Variants in WDR70 observed in about 807,000 individuals in gnomAD.
WDR70 encodes WD repeat domain 70.
A neutral mutation model predicts 88.6 loss-of-function variants in WDR70; 53 were observed. The observed-to-expected ratio is 0.60, with a 90% CI of 0.48 to 0.75. WDR70 has a LOEUF of 0.75. WDR70 is among the 30% of genes least tolerant of loss of function. The pLI, the probability that WDR70 is intolerant of heterozygous loss-of-function variation, is 0.00. For missense variants in WDR70, 610 were observed against 823.2 expected (o/e 0.74, Z 3.17); for synonymous variants, 280 against 270.0 (o/e 1.04, Z -0.36).
intron 9 of WDR70, among the ~76,000 whole-genome samples, chr5:37,524,620 C>A (rs556191039): frequency 6.6e-6 from 1 of 152,268 alleles, no homozygotes; most frequent in Admixed American, 6.5e-5. Flanking sequence ...GGATCAAATT[C>A]ACACATAGCA....
chr5:37,432,696 T>TAAAATCTCAGAC, intron 5 of WDR70, among the ~76,000 whole-genome samples: 1 of 151,222 alleles, frequency 6.6e-6, no homozygotes, highest in East Asian at 1.9e-4. Flanking sequence ...GCGCCCGGCC[T>TAAAATCTCAGAC]TTGAGCCACC....
intron 10 of WDR70, among the ~76,000 whole-genome samples, chr5:37,624,350 T>C (rs903531481): frequency 1.3e-5 from 2 of 152,206 alleles, no homozygotes; most frequent in Admixed American, 1.3e-4. Flanking sequence ...CTTCAATCCA[T>C]GTTACTGTGA....
At chr5:37,551,076 G>C (rs56145766) in intron 9 of WDR70, among the ~76,000 whole-genome samples, 62,729 of 151,890 alleles carry the variant, frequency 0.41, 15,113 homozygotes, top group Non-Finnish European at 0.54. Flanking sequence ...AGGCGAGGCA[G>C]GTGGATCACC....
intron 17 of WDR70, among the ~76,000 whole-genome samples, chr5:37,746,266 T>C (rs1288818161): frequency 1.3e-5 from 2 of 152,092 alleles, no homozygotes; most frequent in African/African-American, 2.4e-5. Context: ...TTCTGAGATA[T>C]AGCTAAAGCA....
chr5:37,449,614 A>ATAAAT (rs375497634), intron 7 of WDR70, among the ~76,000 whole-genome samples: 2 of 120,704 alleles, frequency 1.7e-5, no homozygotes, highest in African/African-American at 5.9e-5. Context: ...TAAAAAATAA[A>ATAAAT]AAATAAATAA....
At chr5:37,455,712 T>G (rs539752841) in intron 7 of WDR70, among the ~76,000 whole-genome samples, 1 of 144,082 alleles carries the variant, frequency 6.9e-6, no homozygotes, top group South Asian at 2.5e-4. Context: ...TCTACTCTTT[T>G]AATGAACTTT....
intron 5 of WDR70, among the ~76,000 whole-genome samples, chr5:37,414,300 C>G (rs867153590): frequency 2.1e-4 from 32 of 152,308 alleles, no homozygotes; most frequent in South Asian, 1.0e-3. Context: ...TCACTCCTCT[C>G]TAGCCACATT....
chr5:37,737,718 T>C (rs1011193708), intron 17 of WDR70, among the ~76,000 whole-genome samples: 1 of 152,212 alleles, frequency 6.6e-6, no homozygotes, highest in African/African-American at 2.4e-5. Context: ...TGTGTGTTCT[T>C]CAAAGATTTT....
intron 10 of WDR70, among the ~76,000 whole-genome samples, chr5:37,645,052 T>C (rs1048910127): frequency 3.9e-5 from 6 of 152,106 alleles, no homozygotes; most frequent in Middle Eastern, 3.4e-3. Flanking sequence ...TTTCTTGTTC[T>C]TTAAGGTGTA....
At chr5:37,529,468 C>G (rs1016409356) in intron 9 of WDR70, among the ~76,000 whole-genome samples, 1 of 152,058 alleles carries the variant, frequency 6.6e-6, no homozygotes, top group African/African-American at 2.4e-5. Flanking sequence ...GGGAGTGTTT[C>G]AATTTGTTTG....
rs779462796 is a variant in WDR70, at chr5:37,437,948, G to T, written c.519G>T (p.Ser173=). The T allele has an allele frequency of 6.2e-7, 1 of 1,608,922 alleles. No individual in the cohort carries two copies. Among genetic ancestry groups the T allele is most frequent in the South Asian group, 1.1e-5 (1 of 90,346 alleles). Residue 173 remains serine, a synonymous_variant, in exon 6 of 18, where the codon TCG becomes TCT. Transcript: ENST00000265107. The part of the protein sequence containing the change: ...EENPVHKIPD[S]HEITLKHGTK... ...ATCCTGTTCACAAGATTCCTGACTC[G>T]CATGAGATAACGCTGAAGCATGGCA... is the stretch of plus-strand genomic sequence containing the variant.
chr5:37,734,725 A>C (rs1010104873), intron 17 of WDR70, among the ~76,000 whole-genome samples: 6 of 152,108 alleles, frequency 3.9e-5, no homozygotes, highest in Admixed American at 3.3e-4. Flanking sequence ...GAAATGAGGG[A>C]GTGAGCCATG....
intron 9 of WDR70, among the ~76,000 whole-genome samples, chr5:37,541,469 G>T (rs1741813203): frequency 6.6e-6 from 1 of 152,132 alleles, no homozygotes; most frequent in Non-Finnish European, 1.5e-5. Context: ...TACCTCCTCA[G>T]TGTTTGTTAT....
At chr5:37,405,007 T>C (rs1327886128) in intron 5 of WDR70, among the ~76,000 whole-genome samples, 2 of 152,180 alleles carry the variant, frequency 1.3e-5, no homozygotes, top group Non-Finnish European at 2.9e-5. Context: ...AGGTCAGCTC[T>C]GTTTTTATGT....
rs866096543 is a variant in WDR70, at chr5:37,524,762, G to A, written c.917+8172G>A. 2.0e-5 allele frequency among the ~76,000 whole-genome samples: 3 copies of A among 152,264 alleles called. No homozygotes were observed. In the South Asian group the frequency reaches 6.2e-4, roughly 32 times the overall value. ...ATCTCACGTGCAGAGACACACATAG[G>A]CTCAAAATAAAAGGATGGAGGAAGA... is the stretch of plus-strand genomic sequence containing the variant. On this transcript the variant is annotated intron_variant, in intron 9 of 17. Transcript: ENST00000265107.
At chr5:37,742,436 A>AT (rs1256046219) in intron 17 of WDR70, among the ~76,000 whole-genome samples, 5 of 151,892 alleles carry the variant, frequency 3.3e-5, no homozygotes, top group Non-Finnish European at 7.4e-5. Context: ...CATTTAAAAA[A>AT]TTTTTTTATT....
Position 37,651,161 on chromosome 5 carries a change from G to C in WDR70, c.1092+45923G>C, listed in dbSNP as rs568686866. 1.1e-4 allele frequency among the ~76,000 whole-genome samples: 16 copies of C among 151,626 alleles called. No individual in the cohort carries two copies. In the East Asian group the frequency reaches 2.9e-3, roughly 28 times the overall value. ...CAGTGTATGATGTTCCCCTCCCTCT[G>C]TCCATGTGTTCTCATTGTTCAGCTC... On this transcript the variant is annotated intron_variant, in intron 10 of 17. Coordinates refer to ENST00000265107, the MANE Select transcript of WDR70 (RefSeq NM_018034.4).
chr5:37,555,919 A>G (rs538018552), intron 9 of WDR70, among the ~76,000 whole-genome samples: 7 of 152,160 alleles, frequency 4.6e-5, no homozygotes, highest in South Asian at 2.1e-4. Flanking sequence ...GAGTTTCACT[A>G]TGTTGGCCAG....
intron 8 of WDR70, among the ~76,000 whole-genome samples, chr5:37,513,027 G>A (rs1197634725): frequency 6.6e-6 from 1 of 152,126 alleles, no homozygotes; most frequent in Non-Finnish European, 1.5e-5. Context: ...ATTCCCTTCT[G>A]TTTATTCTTT....
Sources: allele counts gnomAD v4.1 joint callset (sites outside exome capture counted in the v4.1 genomes callset), GRCh38; gene constraint gnomAD v4.1.1; transcripts MANE v1.5; gene names NCBI Gene and HGNC (gene_info 2026-07-23, HGNC 2026-07-21).